The following ULK1 variants were observed in gnomAD, a reference collection of about 807,000 sequenced individuals.
ULK1 encodes unc-51 like autophagy activating kinase 1.
ULK1 carries 48 observed loss-of-function variants against 117.5 expected under a neutral mutation model. The observed-to-expected ratio is 0.41, with a 90% confidence interval of 0.32 to 0.52. The LOEUF (loss-of-function observed/expected upper bound fraction) is 0.52. Ranked by LOEUF, ULK1 falls within the 20% of genes least tolerant of loss-of-function variation. The pLI, the probability that ULK1 is intolerant of heterozygous loss-of-function variation, is 0.29. For missense variants in ULK1, 1,387 were observed against 1,473.4 expected, an observed-to-expected ratio of 0.94 and a Z score of 0.96; for synonymous variants, 790 against 637.8, an observed-to-expected ratio of 1.24 and a Z score of -3.60.
chr12:131,913,382 A>G, intron 14 of ULK1, 124 bp downstream of exon 14: 1 of 1,040,634 alleles, frequency 9.6e-7, no homozygotes, highest in Non-Finnish European at 1.3e-6. Flanking sequence ...ACAGAGCGAG[A>G]CTCTGTCTCA....
intron 25 of ULK1, 99 bp downstream of exon 25, chr12:131,919,689 GC>G: frequency 7.2e-7 from 1 of 1,397,768 alleles, no homozygotes; most frequent in Non-Finnish European, 9.9e-7. Context: ...GCTTGAGTAG[GC>G]CCCTGTGCAG....
At chr12:131,909,688 G>C (rs1482330963) in intron 8 of ULK1, 87 bp from the exon 9 acceptor site, 2 of 1,367,668 alleles carry the variant, frequency 1.5e-6, no homozygotes, top group East Asian at 5.1e-5. Flanking sequence ...TGGGGCAGGG[G>C]CCGACTGGGG....
rs868438397 is a variant in ULK1 at position 131,916,893 on chromosome 12, C to T, written c.2073-60C>T. Reference sequence around the variant, plus strand: ...GTGTCTGGCCTGCAGAGGGACCTCTCGAGGTCCAGTTAGGGTGGGGTGGGC... The same window carrying T: ...GTGTCTGGCCTGCAGAGGGACCTCTTGAGGTCCAGTTAGGGTGGGGTGGGC... On this transcript the variant is annotated intron_variant, in intron 20 of 27. Transcript: ENST00000321867. The T allele has an allele frequency of 3.2e-4, 451 of 1,400,468 alleles. 2 individuals carry two copies. Among genetic ancestry groups the T allele is most frequent in the South Asian group, 1.4e-3 (108 of 77,542 alleles). The allele number at this position is 1,400,468 out of a possible 1,614,324, so 86.8% of individuals were successfully genotyped here. A position where few individuals can be genotyped will look rare whatever the true frequency, so the allele number is the denominator to read the frequency against.
intron 26 of ULK1, 165 bp from the exon 27 acceptor site, chr12:131,920,935 T>C (rs1276523832): frequency 3.0e-5 from 30 of 998,316 alleles, no homozygotes; most frequent in Non-Finnish European, 4.1e-5. Flanking sequence ...CTTGGCCCTG[T>C]GACCATCCCC....
Position 131,911,573 on chromosome 12 carries a change from C to T in ULK1, c.949-369C>T, listed in dbSNP as rs563884355. Among the ~76,000 whole-genome samples, 385 of 152,296 alleles carry T rather than the reference C, an allele frequency of 2.5e-3. 1 individual carries two copies. The highest frequency in any genetic ancestry group is 4.1e-3 in the Admixed American group (62 of 15,304). ...GTGGCAGCCTCTCCACTGGACACGC[C>T]TTCCATGGTACCTCGTTCTCTTGGC... On this transcript the variant is annotated intron_variant, in intron 12 of 27. Coordinates refer to ENST00000321867, the MANE Select transcript of ULK1 (RefSeq NM_003565.4).
intron 14 of ULK1, 78 bp from the exon 15 acceptor site, chr12:131,913,669 C>T (rs1290130004): frequency 1.4e-5 from 15 of 1,095,220 alleles, no homozygotes; most frequent in South Asian, 2.1e-5. Context: ...TGCGCCACTG[C>T]ACTCCAGCCT....
chr12:131,909,511 C>T (rs1889430288), intron 8 of ULK1, among the ~76,000 whole-genome samples: 1 of 152,182 alleles, frequency 6.6e-6, no homozygotes, highest in Admixed American at 6.5e-5. Flanking sequence ...CCTGCCTGGT[C>T]AGAGGTGAGG....
At chr12:131,906,544 G>A (rs1889284346) in intron 3 of ULK1, 1 of 310,598 alleles carries the variant, frequency 3.2e-6, no homozygotes, top group Non-Finnish European at 6.1e-6. Flanking sequence ...TTGATCCTGG[G>A]CTGAGGAGCT....
chr12:131,912,886 C>T (rs1889602086), intron 13 of ULK1, among the ~76,000 whole-genome samples: 1 of 152,212 alleles, frequency 6.6e-6, no homozygotes, highest in African/African-American at 2.4e-5. Flanking sequence ...CCCCGCCCAT[C>T]CTGGAGTTAG....
intron 10 of ULK1, 88 bp from the exon 11 acceptor site, chr12:131,910,166 C>G: frequency 6.3e-7 from 1 of 1,588,366 alleles, no homozygotes; most frequent in South Asian, 1.1e-5. Context: ...AGGTGCCCAA[C>G]GCGGCTGGAG....
intron 12 of ULK1, 63 bp downstream of exon 12, chr12:131,910,863 C>T (rs942029456): frequency 2.5e-6 from 4 of 1,601,944 alleles, no homozygotes; most frequent in Admixed American, 3.4e-5. Context: ...GGGCTCCAGC[C>T]CTGGGCCCCC....
rs778531865 is a variant in ULK1 at position 131,917,038 on chromosome 12, C to A, written c.2158C>A (p.Leu720Met). The change falls in exon 21 of 28, where the codon CTG (leucine) becomes ATG (methionine). Residue 720 changes from leucine (L) to methionine (M), a missense_variant. By Grantham distance (15) the Leu-to-Met change is conservative (BLOSUM62 2). This residue lies in a region of ULK1 where 900 missense variants were observed against 858.9 expected (regional missense o/e 1.05). Transcript: ENST00000321867. ...CCCGGACCCGGGCAGCACGGAGAGC[C>A]TGCAGGAGAAGCCCATGGAGATCGG... ...QAPDPGSTES[L>M]QEKPMEIAPS... 2.2e-6 allele frequency: 3 copies of A among 1,383,300 alleles called. No homozygotes were observed. The East Asian group carries it at 9.8e-5, about 45-fold the overall frequency. 85.7% of individuals were successfully genotyped at this position (1,383,300 alleles called of 1,614,324 possible).
In ULK1 at chr12:131,912,411, T is replaced by C. The variant is rs977431036; in HGVS notation, c.1096+322T>C. ...CCGCCATGTACCCCTACCTTGTTTC[T>C]CAGCAACTCTTGTTGCCTCTACACC... On this transcript the variant is annotated intron_variant, in intron 13 of 27. Transcript: ENST00000321867. Among the ~76,000 whole-genome samples the C allele has an allele frequency of 2.0e-5, 3 of 152,158 alleles. No homozygotes were observed. In the South Asian group the frequency reaches 6.2e-4, roughly 32 times the overall value.
chr12:131,894,864 C>G lies in ULK1; in HGVS notation c.-138C>G, dbSNP rs1008131384. 27 of 184,854 alleles carry G rather than the reference C, an allele frequency of 1.5e-4. No homozygotes were observed. The highest frequency in any genetic ancestry group is 4.9e-5 in the African/African-American group (2 of 41,060). 11.5% of individuals were successfully genotyped at this position (184,854 alleles called of 1,614,324 possible). A position where few individuals can be genotyped will look rare whatever the true frequency, so the allele number is the denominator to read the frequency against. On this transcript the variant is annotated 5_prime_UTR_variant, in exon 1 of 28. Transcript: ENST00000321867. ...CGGCCTGCCCGATGGGGCGCGCGGCCCCGGAGATGCGCCCTCGCCCGGCCC... is the reference window on the plus strand; with the variant it reads ...CGGCCTGCCCGATGGGGCGCGCGGCGCCGGAGATGCGCCCTCGCCCGGCCC...
At position 131,903,410 on chromosome 12, in the gene ULK1, C is replaced by A. The variant is rs1325319751; in HGVS notation, c.247-3482C>A. Among the ~76,000 whole-genome samples the A allele has an allele frequency of 6.6e-6, 1 of 152,220 alleles. No homozygotes were observed. Among genetic ancestry groups the A allele is most frequent in the East Asian group, 1.9e-4 (1 of 5,200 alleles). On this transcript the variant is annotated intron_variant, in intron 3 of 27. Coordinates refer to ENST00000321867, the MANE Select transcript of ULK1 (RefSeq NM_003565.4). The surrounding 1 kb of genome is among the most constrained non-coding windows in gnomAD (Gnocchi z 6.0). ...TTCCCAGCCTGGGCACGCCTCCCAACCTCTGGGGCCTCAGTGTGCTCGTAT... is the reference window on the plus strand; with the variant it reads ...TTCCCAGCCTGGGCACGCCTCCCAAACTCTGGGGCCTCAGTGTGCTCGTAT...
chr12:131,918,163 C>A (rs1324054162), intron 22 of ULK1: 8 of 391,898 alleles, frequency 2.0e-5, no homozygotes, highest in Non-Finnish European at 3.7e-5. Context: ...GCACACCAAG[C>A]CACGCACCTA....
Position 131,895,788 on chromosome 12 carries a change from G to A in ULK1, c.210G>A (p.Leu70=), listed in dbSNP as rs371613349. The A allele has an allele frequency of 1.5e-5, 24 of 1,614,144 alleles. No homozygotes were observed. In the African/African-American group the frequency reaches 2.7e-4, roughly 18 times the overall value. The stretch of plus-strand genomic sequence containing the variant: ...AACTTGGGTTTCTGTCCTAGGAACT[G>A]AAACATGAAAACATCGTGGCCCTGT... ...LGKEIKILKE[L]KHENIVALYD... Residue 70 remains leucine, a synonymous_variant, in exon 3 of 28, where the codon CTG becomes CTA. Transcript: ENST00000321867.
intron 5 of ULK1, among the ~76,000 whole-genome samples, chr12:131,907,781 C>G (rs894469329): frequency 1.3e-5 from 2 of 152,054 alleles, no homozygotes; most frequent in African/African-American, 4.8e-5. Flanking sequence ...CAGAATAGCC[C>G]GAGGGGAGCC....
intron 19 of ULK1, 36 bp from the exon 20 acceptor site, chr12:131,916,362 T>C (rs1246149433): frequency 1.3e-6 from 2 of 1,532,946 alleles, no homozygotes; most frequent in Non-Finnish European, 1.8e-6. Flanking sequence ...GCTGCAGACC[T>C]GCGGGGCAGT....
Sources: gnomAD v4.1 joint callset for allele counts (sites outside exome capture counted in the v4.1 genomes callset) on GRCh38, gnomAD v4.1.1 for gene constraint, gnomAD v4.1.1 regional missense constraint, Gnocchi (gnomAD v3.1) non-coding constraint, MANE v1.5 for transcripts, NCBI Gene and HGNC (gene_info 2026-07-23, HGNC 2026-07-21) for gene names.